Variants in AKAP7 observed in about 807,000 individuals in gnomAD.
AKAP7 encodes A-kinase anchoring protein 7.
In AKAP7, 39 loss-of-function variants were observed where a neutral mutation model predicts 39.5. That is an observed-to-expected ratio of 0.99 (90% CI 0.76 to 1.29). The LOEUF is 1.29. AKAP7 is among the 50% of genes most tolerant of loss of function. The pLI, the probability that AKAP7 is intolerant of heterozygous loss-of-function variation, is 0.00. For synonymous variants in AKAP7, 140 were observed against 139.1 expected, an observed-to-expected ratio of 1.01 and a Z score of -0.05; for missense variants, 414 against 407.7, an observed-to-expected ratio of 1.02 and a Z score of -0.13.
At chr6:131,140,409 G>A (rs1800933328) in intron 1 of AKAP7, among the ~76,000 whole-genome samples, 2 of 152,148 alleles carry the variant, frequency 1.3e-5, no homozygotes. Flanking sequence ...ATTGAGCTCA[G>A]GAGAAACCAA....
chr6:131,127,805 G>A, the AKAP7 span, among the ~76,000 whole-genome samples: 2 of 152,138 alleles, frequency 1.3e-5, no homozygotes, highest in Non-Finnish European at 2.9e-5. Flanking sequence ...ACTGCATAAA[G>A]AAAATATAGT....
At chr6:131,218,185 A>G (rs895760344) in intron 6 of AKAP7, among the ~76,000 whole-genome samples, 4 of 152,330 alleles carry the variant, frequency 2.6e-5, no homozygotes, top group South Asian at 4.1e-4. Context: ...ACATGCATCA[A>G]TAGAAACATG....
At chr6:131,221,115 G>A (rs1585118460) in intron 7 of AKAP7, among the ~76,000 whole-genome samples, 1 of 152,310 alleles carries the variant, frequency 6.6e-6, no homozygotes, top group African/African-American at 2.4e-5. Flanking sequence ...GAATGCCAAG[G>A]AAAAGTTCTT....
chr6:131,177,896 C>T (rs545398070), intron 5 of AKAP7, among the ~76,000 whole-genome samples: 2 of 152,332 alleles, frequency 1.3e-5, no homozygotes, highest in South Asian at 2.1e-4. Context: ...TGATTGAAAT[C>T]ACAGCTTCCT....
rs75704526 is a variant in AKAP7 at position 131,140,165 on chromosome 6, A to G, written c.19+4383A>G. 0.01 allele frequency among the ~76,000 whole-genome samples: 1,544 copies of G among 152,328 alleles called. 115 individuals carry two copies. The East Asian group carries it at 0.18, about 18-fold the overall frequency. ...TTCAATTGGAAAACCACTCTTGCAC[A>G]TCGGAATTACTCTGCAGAGGTTTAA... On this transcript the variant is annotated intron_variant, in intron 1 of 7. Transcript: ENST00000431975.
chr6:131,242,128 T>G, intron 7 of AKAP7: 1 of 984,198 alleles, frequency 1.0e-6, no homozygotes, highest in Non-Finnish European at 1.2e-6. Flanking sequence ...AACAACAGTT[T>G]GTCAATTCAT....
intron 7 of AKAP7, among the ~76,000 whole-genome samples, chr6:131,279,455 G>A (rs1488207770): frequency 6.6e-6 from 1 of 152,120 alleles, no homozygotes; most frequent in Non-Finnish European, 1.5e-5. Flanking sequence ...TTTTAGTAGA[G>A]ACAGAGTTTC....
chr6:131,233,578 G>T (rs914369245), intron 7 of AKAP7, among the ~76,000 whole-genome samples: 1 of 152,046 alleles, frequency 6.6e-6, no homozygotes, highest in African/African-American at 2.4e-5. Context: ...CTTAAGCCCA[G>T]GAAAAACAAG....
chr6:131,214,312 G>A lies in AKAP7; in HGVS notation c.703-5349G>A, dbSNP rs184432787. Among the ~76,000 whole-genome samples the A allele has an allele frequency of 2.6e-5, 4 of 152,260 alleles. No homozygotes were observed. The East Asian group carries it at 7.7e-4, about 29-fold the overall frequency. On this transcript the variant is annotated intron_variant, in intron 6 of 7. Coordinates refer to ENST00000431975, the MANE Select transcript of AKAP7 (RefSeq NM_016377.4). ...TGTAAATGTTAGTTAAAATACTAGG[G>A]TAGAGTTTCTGCTTTTTCTTTCTGT...
At position 131,137,248 on chromosome 6, in the gene AKAP7, G is replaced by A. The variant is rs1053891350; in HGVS notation, c.19+1466G>A. 2.6e-5 allele frequency: 4 copies of A among 152,050 alleles called. No homozygotes were observed. In the East Asian group the frequency reaches 7.7e-4, roughly 29 times the overall value. 9.4% of individuals were successfully genotyped at this position (152,050 alleles called of 1,614,324 possible). A position where few individuals can be genotyped will look rare whatever the true frequency, so the allele number is the denominator to read the frequency against. On this transcript the variant is annotated intron_variant, in intron 1 of 7. Transcript: ENST00000431975. Reference sequence around the variant, plus strand: ...TTACACGTGTGAGCCAACTTGCTCAGCTGGGATAAATTTACTATTTACCTA... The same window carrying A: ...TTACACGTGTGAGCCAACTTGCTCAACTGGGATAAATTTACTATTTACCTA...
chr6:131,178,966 T>C (rs778319270), intron 5 of AKAP7, among the ~76,000 whole-genome samples: 1 of 152,104 alleles, frequency 6.6e-6, no homozygotes, highest in Non-Finnish European at 1.5e-5. Flanking sequence ...ACAGAGTCTT[T>C]TCTGCCATAG....
chr6:131,165,035 T>C (rs770883703), intron 3 of AKAP7, 46 bp from the exon 4 acceptor site: 1 of 1,467,612 alleles, frequency 6.8e-7, no homozygotes, highest in Non-Finnish European at 9.1e-7. Flanking sequence ...AAATTTTGCT[T>C]ACCTAATCAC....
intron 6 of AKAP7, among the ~76,000 whole-genome samples, chr6:131,213,048 A>G (rs1356254589): frequency 6.6e-6 from 1 of 152,202 alleles, no homozygotes; most frequent in African/African-American, 2.4e-5. Context: ...CTGAAGTTCT[A>G]TCTTTTGATA....
intron 6 of AKAP7, among the ~76,000 whole-genome samples, chr6:131,210,796 T>C (rs959378434): frequency 6.6e-6 from 1 of 152,240 alleles, no homozygotes; most frequent in Non-Finnish European, 1.5e-5. Context: ...GTAGTGATCC[T>C]GCACCTTTGG....
intron 2 of AKAP7, among the ~76,000 whole-genome samples, chr6:131,153,132 A>G (rs77650574): frequency 4.0e-5 from 6 of 151,152 alleles, no homozygotes; most frequent in Non-Finnish European, 7.4e-5. Flanking sequence ...TCCATCTCAA[A>G]AAAAAAAAAA....
At chr6:131,165,250 C>A (rs779584725) in intron 4 of AKAP7, 33 bp downstream of exon 4, 3 of 1,531,080 alleles carry the variant, frequency 2.0e-6, no homozygotes, top group Admixed American at 3.8e-5. Context: ...ATATAATTTT[C>A]CAAATTATTA....
At chr6:131,250,302 G>T in intron 7 of AKAP7, 7 of 1,266,454 alleles carry the variant, frequency 5.5e-6, no homozygotes, top group Non-Finnish European at 7.0e-6. Context: ...ATACGGGAGC[G>T]TATAGCCACT....
At chr6:131,253,687 TTTATTTA>T (rs930159031) in intron 7 of AKAP7, among the ~76,000 whole-genome samples, 1 of 150,480 alleles carries the variant, frequency 6.6e-6, no homozygotes, top group African/African-American at 2.5e-5. Context: ...TATTTATTTA[TTTATTTA>T]TAAGCTCCAA....
intron 2 of AKAP7, among the ~76,000 whole-genome samples, chr6:131,146,399 G>A (rs1801491783): frequency 6.6e-6 from 1 of 152,124 alleles, no homozygotes; most frequent in Non-Finnish European, 1.5e-5. Context: ...CTTGAGGCCA[G>A]GAGTTTGAGA....
Sources: allele counts gnomAD v4.1 joint callset (sites outside exome capture counted in the v4.1 genomes callset), GRCh38; gene constraint gnomAD v4.1.1; transcripts MANE v1.5; gene names NCBI Gene and HGNC (gene_info 2026-07-23, HGNC 2026-07-21).